STAU2: variants seen among roughly 807,000 people sequenced by gnomAD.
STAU2 encodes the protein staufen double-stranded RNA binding protein 2.
In STAU2, 20 loss-of-function variants were observed where a neutral mutation model predicts 65.9. The ratio of observed to expected loss-of-function variants is 0.30; its 90% CI spans 0.21 to 0.44. The LOEUF (loss-of-function observed/expected upper bound fraction) is 0.44. Ranked by LOEUF, STAU2 falls within the 20% of genes least tolerant of loss-of-function variation. The pLI is 1.00. For missense variants in STAU2, 558 were observed against 683.9 expected, an observed-to-expected ratio of 0.82 and a Z score of 2.05; for synonymous variants, 232 against 233.9, an observed-to-expected ratio of 0.99 and a Z score of 0.07.
intron 3 of STAU2, among the ~76,000 whole-genome samples, chr8:73,719,019 TC>T (rs1313455697): frequency 6.6e-6 from 1 of 152,180 alleles, no homozygotes; most frequent in East Asian, 1.9e-4. Flanking sequence ...TGCATTTCCT[TC>T]TCTTGCATGA....
At chr8:73,638,549 T>C (rs1448933504) in intron 6 of STAU2, among the ~76,000 whole-genome samples, 1 of 149,974 alleles carries the variant, frequency 6.7e-6, no homozygotes, top group African/African-American at 2.5e-5. Flanking sequence ...ACTTCAAATA[T>C]AATTGCAATT....
chr8:73,532,000 G>A (rs1251321376), intron 13 of STAU2, among the ~76,000 whole-genome samples: 4 of 152,160 alleles, frequency 2.6e-5, no homozygotes, highest in African/African-American at 9.7e-5. Flanking sequence ...GGCCCCTGCA[G>A]CCAACTTAAT....
At chr8:73,496,900 T>C (rs1821451348) in intron 13 of STAU2, among the ~76,000 whole-genome samples, 1 of 151,694 alleles carries the variant, frequency 6.6e-6, no homozygotes, top group Admixed American at 6.6e-5. Flanking sequence ...AGCACAGACC[T>C]AGACAGTTGC....
chr8:73,606,851 C>CAA (rs1812061945), intron 9 of STAU2, among the ~76,000 whole-genome samples: 1 of 152,028 alleles, frequency 6.6e-6, no homozygotes, highest in Admixed American at 6.6e-5. Context: ...AATGGATAAA[C>CAA]AAGTGGTGGT....
chr8:73,739,959 G>T, intron 1 of STAU2, 91 bp from the exon 2 acceptor site: 1 of 655,230 alleles, frequency 1.5e-6, no homozygotes, highest in Non-Finnish European at 2.7e-6. Flanking sequence ...TCACTCATTT[G>T]CTCAGAGGGA....
intron 13 of STAU2, among the ~76,000 whole-genome samples, chr8:73,444,716 G>A (rs1291928189): frequency 6.6e-6 from 1 of 152,198 alleles, no homozygotes; most frequent in Non-Finnish European, 1.5e-5. Context: ...TGCTCCATTT[G>A]TAGTCAGTGG....
At chr8:73,605,876 CAT>C (rs1385908073) in intron 9 of STAU2, among the ~76,000 whole-genome samples, 670 of 23,330 alleles carry the variant, frequency 0.029, 1 homozygote, top group African/African-American at 0.052. Context: ...CACACACACA[CAT>C]ACACACACAC....
At chr8:73,593,378 A>G (rs960158060) in intron 11 of STAU2, among the ~76,000 whole-genome samples, 5 of 152,144 alleles carry the variant, frequency 3.3e-5, no homozygotes, top group Non-Finnish European at 5.9e-5. Flanking sequence ...TTCCAGGTTC[A>G]TCCTCTAGTT....
At chr8:73,699,458 T>C (rs1412185939) in intron 4 of STAU2, among the ~76,000 whole-genome samples, 1 of 149,322 alleles carries the variant, frequency 6.7e-6, no homozygotes, top group African/African-American at 2.5e-5. Flanking sequence ...AAGGCCCAAG[T>C]AAATAAAACC....
chr8:73,735,747 T>C (rs1451155609), intron 3 of STAU2, among the ~76,000 whole-genome samples: 1 of 152,210 alleles, frequency 6.6e-6, no homozygotes, highest in African/African-American at 2.4e-5. Flanking sequence ...TGTGGCCATG[T>C]AGAGAATTGC....
chr8:73,546,123 CTTTTTTTTT>C lies in STAU2; in HGVS notation c.1530+5880_1530+5888del, dbSNP rs71561528. On this transcript the variant is annotated intron_variant, in intron 13 of 14. Coordinates refer to ENST00000524300, the MANE Select transcript of STAU2 (RefSeq NM_001164380.2). ...GCCTGGCTAATTTTTGTTTGGTTTT[CTTTTTTTTT>C]TTTTTTTTTTTTTTGGTAGAGACAG... 1.2e-4 allele frequency among the ~76,000 whole-genome samples: 11 copies of C among 93,290 alleles called. 1 individual carries two copies. Among genetic ancestry groups the C allele is most frequent in the Admixed American group, 8.5e-4 (5 of 5,910 alleles). The allele number at this position is 93,290 out of a possible 152,430, so 61.2% of individuals were successfully genotyped here.
At chr8:73,721,212 C>G (rs1821645848) in intron 3 of STAU2, among the ~76,000 whole-genome samples, 1 of 144,272 alleles carries the variant, frequency 6.9e-6, no homozygotes, top group South Asian at 2.2e-4. Flanking sequence ...ATTGTTTGAG[C>G]CCAGGAGGTC....
At chr8:73,645,571 G>T (rs1185327188) in intron 6 of STAU2, among the ~76,000 whole-genome samples, 1 of 152,212 alleles carries the variant, frequency 6.6e-6, no homozygotes, top group Non-Finnish European at 1.5e-5. Context: ...CACAGTGCTT[G>T]AAGATCTAGC....
At chr8:73,525,432 T>C (rs1823300957) in intron 13 of STAU2, among the ~76,000 whole-genome samples, 1 of 151,698 alleles carries the variant, frequency 6.6e-6, no homozygotes, top group Non-Finnish European at 1.5e-5. Flanking sequence ...GAAGAGGCAC[T>C]TTTTTTTTCT....
At chr8:73,667,087 T>C (rs1040365542) in intron 6 of STAU2, among the ~76,000 whole-genome samples, 8 of 152,192 alleles carry the variant, frequency 5.3e-5, no homozygotes, top group African/African-American at 1.9e-4. Flanking sequence ...GCCATCCAAA[T>C]ATCTGAAGTT....
chr8:73,646,733 AAAAAACTTCTGCTCTATG>A (rs1350344580), intron 6 of STAU2, among the ~76,000 whole-genome samples: 5 of 152,130 alleles, frequency 3.3e-5, no homozygotes, highest in African/African-American at 1.2e-4. Flanking sequence ...TCATCAAAAT[AAAAAACTTCTGCTCTATG>A]AAAAACTATG....
At chr8:73,560,205 C>T (rs1275805176) in intron 12 of STAU2, among the ~76,000 whole-genome samples, 6 of 151,720 alleles carry the variant, frequency 4.0e-5, no homozygotes, top group Admixed American at 2.0e-4. Context: ...CTCAGCCTCC[C>T]GAGTAGCTGG....
chr8:73,543,140 T>C lies in STAU2; in HGVS notation c.1530+8872A>G, dbSNP rs572361447. Among the ~76,000 whole-genome samples the C allele has an allele frequency of 5.3e-5, 8 of 152,310 alleles. No homozygotes were observed. In the East Asian group the frequency reaches 1.5e-3, roughly 29 times the overall value. On this transcript the variant is annotated intron_variant, in intron 13 of 14. Coordinates refer to ENST00000524300, the MANE Select transcript of STAU2 (RefSeq NM_001164380.2). ...CATGGAACATGCGTGAATTTCAAAA[T>C]ATACTGAGTGAAAGATGCCAGATAC...
chr8:73,612,572 T>C (rs1017086873), intron 9 of STAU2, among the ~76,000 whole-genome samples: 1 of 152,204 alleles, frequency 6.6e-6, no homozygotes, highest in Non-Finnish European at 1.5e-5. Flanking sequence ...ACATATAACA[T>C]ATAATTCCAG....
Sources: gnomAD v4.1 joint callset for allele counts (sites outside exome capture counted in the v4.1 genomes callset) on GRCh38, gnomAD v4.1.1 for gene constraint, MANE v1.5 for transcripts, NCBI Gene and HGNC (gene_info 2026-07-23, HGNC 2026-07-21) for gene names.